The following CNKSR2 variants were observed in gnomAD, a reference collection of about 807,000 sequenced individuals.
CNKSR2 encodes the protein CNK homolog protein 2.
Under a neutral mutation model 84.4 loss-of-function variants are expected in CNKSR2, and 14 were observed. The ratio of observed to expected loss-of-function variants is 0.17; its 90% CI spans 0.11 to 0.26. CNKSR2 has a LOEUF of 0.26. Among genes scored for constraint, CNKSR2 ranks in the 10% least tolerant of loss-of-function variants. The pLI is 1.00. For synonymous variants in CNKSR2, 275 were observed against 277.9 expected (o/e 0.99, Z 0.10); for missense variants, 485 against 771.2 (o/e 0.63, Z 4.40).
intron 19 of CNKSR2, among the ~76,000 whole-genome samples, chrX:21,607,663 G>C (rs966734031): frequency 2.7e-5 from 3 of 111,016 alleles, no homozygotes; most frequent in African/African-American, 9.8e-5. Flanking sequence ...AATTAGCCAG[G>C]CATGGTGGTG....
chrX:21,421,070 T>G (rs2090488719), intron 1 of CNKSR2, among the ~76,000 whole-genome samples: 1 of 111,401 alleles, frequency 9.0e-6, no homozygotes, highest in African/African-American at 3.3e-5. Flanking sequence ...ACTGCCAGGA[T>G]TGATGATTCC....
chrX:21,604,709 G>A (rs1200756822), intron 18 of CNKSR2, among the ~76,000 whole-genome samples: 1 of 111,304 alleles, frequency 9.0e-6, no homozygotes, highest in Non-Finnish European at 1.9e-5. Flanking sequence ...AGGTGCCACA[G>A]TTCCTGGAAA....
chrX:21,459,483 A>T (rs2091034798), intron 4 of CNKSR2, among the ~76,000 whole-genome samples: 1 of 110,602 alleles, frequency 9.0e-6, no homozygotes, highest in Non-Finnish European at 1.9e-5. Context: ...TCCTTTCTTC[A>T]TATTTGTCAT....
At chrX:21,614,305 A>T (rs1942143554) in intron 20 of CNKSR2, among the ~76,000 whole-genome samples, 1 of 112,042 alleles carries the variant, frequency 8.9e-6, no homozygotes, top group Non-Finnish European at 1.9e-5. Context: ...GTATTGAAGG[A>T]AGAAAAGGAA....
chrX:21,439,362 T>C (rs1411059485), intron 3 of CNKSR2, among the ~76,000 whole-genome samples: 1 of 110,941 alleles, frequency 9.0e-6, no homozygotes, highest in African/African-American at 3.3e-5. Context: ...AAAGCAGTGC[T>C]GAAAAGGAAG....
intron 1 of CNKSR2, among the ~76,000 whole-genome samples, chrX:21,385,412 T>A (rs1214774913): frequency 1.8e-5 from 2 of 112,054 alleles, no homozygotes; most frequent in Non-Finnish European, 3.8e-5. Context: ...AGGAAGAGAT[T>A]ATATTCTGTT....
At chrX:21,566,252 T>C (rs926021579) in intron 13 of CNKSR2, among the ~76,000 whole-genome samples, 4 of 112,233 alleles carry the variant, frequency 3.6e-5, no homozygotes, top group Admixed American at 9.5e-5. Flanking sequence ...ACACAAATAG[T>C]TATTTAGCTT....
chrX:21,545,494 T>C (rs1472308604), intron 11 of CNKSR2, among the ~76,000 whole-genome samples: 2 of 111,959 alleles, frequency 1.8e-5, no homozygotes, highest in Non-Finnish European at 3.8e-5. Context: ...GGGTGCAGCT[T>C]CGGCAGACTT....
chrX:21,414,305 A>C lies in CNKSR2; in HGVS notation c.65-12192A>C, dbSNP rs778357996. Among the ~76,000 whole-genome samples, 11 of 110,817 alleles carry C rather than the reference A, an allele frequency of 9.9e-5. No individual in the cohort carries two copies. The South Asian group carries it at 3.8e-3, about 38-fold the overall frequency. On this transcript the variant is annotated intron_variant, in intron 1 of 21. Transcript: ENST00000379510. ...CTATCTCATTGTAGTTTTTCTTTGCATTTCTGTGATGGTCAGTGACGCTGC... is the reference window on the plus strand; with the variant it reads ...CTATCTCATTGTAGTTTTTCTTTGCCTTTCTGTGATGGTCAGTGACGCTGC...
At chrX:21,492,766 C>G (rs2091455260) in intron 6 of CNKSR2, 2 of 111,668 alleles carry the variant, frequency 1.8e-5, no homozygotes. Flanking sequence ...TGATTCGTAT[C>G]AAAGGGGAAG....
At chrX:21,505,722 TAGAG>T in intron 8 of CNKSR2, 1 of 111,203 alleles carries the variant, frequency 9.0e-6, no homozygotes, top group East Asian at 2.8e-4. Flanking sequence ...TCAGAATGGA[TAGAG>T]AGTGTGGTAT....
chrX:21,475,117 C>G (rs865982994), intron 5 of CNKSR2, among the ~76,000 whole-genome samples: 16 of 111,842 alleles, frequency 1.4e-4, no homozygotes, highest in African/African-American at 5.2e-4. Context: ...AGATCTACTA[C>G]TTGATAGCAC....
intron 20 of CNKSR2, among the ~76,000 whole-genome samples, chrX:21,630,813 GT>G (rs1419878429): frequency 3.6e-5 from 4 of 110,698 alleles, no homozygotes; most frequent in African/African-American, 1.3e-4. Context: ...CAAAAATGTT[GT>G]TCTGATCTTT....
intron 7 of CNKSR2, among the ~76,000 whole-genome samples, chrX:21,498,362 C>T (rs765139648): frequency 5.4e-5 from 6 of 111,503 alleles, no homozygotes; most frequent in Admixed American, 4.8e-4. Context: ...CCCAGACCTA[C>T]TAAATCAGAA....
At chrX:21,482,406 C>T (rs1194815501) in intron 5 of CNKSR2, among the ~76,000 whole-genome samples, 1 of 110,878 alleles carries the variant, frequency 9.0e-6, no homozygotes, top group Non-Finnish European at 1.9e-5. Context: ...CATGGATCCC[C>T]GAGTGTCATT....
chrX:21,394,792 T>C (rs1364650947), intron 1 of CNKSR2, among the ~76,000 whole-genome samples: 1 of 112,040 alleles, frequency 8.9e-6, no homozygotes, highest in Non-Finnish European at 1.9e-5. Context: ...TACATAGTGA[T>C]CAAAATTATT....
chrX:21,586,392 C>T lies in CNKSR2; in HGVS notation c.1609-4180C>T, dbSNP rs374747959. Among the ~76,000 whole-genome samples, 21 of 111,460 alleles carry T rather than the reference C, an allele frequency of 1.9e-4. No homozygotes were observed. The East Asian group carries it at 4.5e-3, about 24-fold the overall frequency. On this transcript the variant is annotated intron_variant, in intron 13 of 21. Coordinates refer to ENST00000379510, the MANE Select transcript of CNKSR2 (RefSeq NM_014927.5). ...ACTCAGAACCATGGGCCATGCCTCT[C>T]CCACTTGGATTTCATGGATGGAACT...
chrX:21,441,630 G>A (rs953478297), intron 4 of CNKSR2, among the ~76,000 whole-genome samples: 4 of 111,467 alleles, frequency 3.6e-5, no homozygotes, highest in South Asian at 3.7e-4. Flanking sequence ...CATAGCTTAC[G>A]AACAGTTAAT....
chrX:21,636,387 A>G (rs1304585538), intron 20 of CNKSR2, among the ~76,000 whole-genome samples: 6 of 111,286 alleles, frequency 5.4e-5, no homozygotes, highest in East Asian at 5.6e-4. Context: ...GACTTCACCT[A>G]TGTTATCTCT....
Sources: gnomAD v4.1 joint callset for allele counts (sites outside exome capture counted in the v4.1 genomes callset) on GRCh38, gnomAD v4.1.1 for gene constraint, MANE v1.5 for transcripts, NCBI Gene and HGNC (gene_info 2026-07-23, HGNC 2026-07-21) for gene names.